The following PPP2R2A variants were observed in gnomAD, a reference collection of about 807,000 sequenced individuals.
PPP2R2A encodes the protein serine/threonine-protein phosphatase 2A 55 kDa regulatory subunit B alpha isoform.
In PPP2R2A, 9 loss-of-function variants were observed where a neutral mutation model predicts 53.2. The ratio of observed to expected loss-of-function variants is 0.17; its 90% CI spans 0.10 to 0.30. The LOEUF (loss-of-function observed/expected upper bound fraction) is 0.30, where lower values mean the gene tolerates loss of function less well. Ranked by LOEUF, PPP2R2A falls within the 10% of genes least tolerant of loss-of-function variation. The pLI is 1.00. For missense variants in PPP2R2A, 235 were observed against 534.6 expected, an observed-to-expected ratio of 0.44 and a Z score of 5.53; for synonymous variants, 169 against 174.2, an observed-to-expected ratio of 0.97 and a Z score of 0.23.
chr8:26,292,570 G>A (rs1378106732), intron 1 of PPP2R2A: 1 of 517,700 alleles, frequency 1.9e-6, no homozygotes, highest in East Asian at 1.5e-4. Flanking sequence ...GATATAAATA[G>A]CAAGGAGGAG....
intron 2 of PPP2R2A, among the ~76,000 whole-genome samples, chr8:26,299,718 CT>C (rs772629459): frequency 0.014 from 2,002 of 142,974 alleles, 27 homozygotes; most frequent in African/African-American, 0.041. Context: ...TTCTGCATCT[CT>C]TTTTTTTTTT....
At chr8:26,344,439 T>A (rs1156690200) in intron 3 of PPP2R2A, among the ~76,000 whole-genome samples, 1 of 152,178 alleles carries the variant, frequency 6.6e-6, no homozygotes, top group Non-Finnish European at 1.5e-5. Flanking sequence ...TTGTTAGAAA[T>A]CACACAGGAA....
chr8:26,348,669 G>C (rs910210005), intron 3 of PPP2R2A, among the ~76,000 whole-genome samples: 1 of 152,152 alleles, frequency 6.6e-6, no homozygotes, highest in African/African-American at 2.4e-5. Context: ...GCACAATGGA[G>C]TTACTTATAT....
intron 2 of PPP2R2A, among the ~76,000 whole-genome samples, chr8:26,309,901 A>G (rs1802195432): frequency 6.6e-6 from 1 of 152,164 alleles, no homozygotes; most frequent in African/African-American, 2.4e-5. Context: ...ACAGATGACC[A>G]TAACAGGTAT....
At chr8:26,339,659 G>A (rs1010398937) in intron 3 of PPP2R2A, among the ~76,000 whole-genome samples, 1 of 151,948 alleles carries the variant, frequency 6.6e-6, no homozygotes, top group African/African-American at 2.4e-5. Flanking sequence ...GTCACACTTG[G>A]TTTTTTCTTA....
chr8:26,343,827 T>C (rs1804073012), intron 3 of PPP2R2A, among the ~76,000 whole-genome samples: 1 of 152,194 alleles, frequency 6.6e-6, no homozygotes, highest in Non-Finnish European at 1.5e-5. Flanking sequence ...TCACAAGAAT[T>C]GCTAATACTA....
intron 2 of PPP2R2A, among the ~76,000 whole-genome samples, chr8:26,307,268 C>A (rs1024933514): frequency 1.3e-5 from 2 of 152,296 alleles, no homozygotes; most frequent in Admixed American, 6.5e-5. Context: ...ATATACAAGT[C>A]TTTAAAAATA....
intron 2 of PPP2R2A, among the ~76,000 whole-genome samples, chr8:26,306,888 C>G (rs1036412895): frequency 6.6e-6 from 1 of 152,206 alleles, no homozygotes; most frequent in Non-Finnish European, 1.5e-5. Context: ...GTATGCTTCT[C>G]TCTTCTTTCT....
At chr8:26,301,886 A>G (rs972283628) in intron 2 of PPP2R2A, among the ~76,000 whole-genome samples, 1 of 152,238 alleles carries the variant, frequency 6.6e-6, no homozygotes, top group Non-Finnish European at 1.5e-5. Flanking sequence ...AGCACAAAAG[A>G]GTACCTGTAG....
chr8:26,339,045 G>T, intron 3 of PPP2R2A, 58 bp downstream of exon 3: 1 of 1,269,766 alleles, frequency 7.9e-7, no homozygotes, highest in Non-Finnish European at 1.1e-6. Flanking sequence ...TAGAGCTTGT[G>T]TTGCACTGGA....
At chr8:26,345,611 T>C (rs12550447) in intron 3 of PPP2R2A, among the ~76,000 whole-genome samples, 1 of 152,208 alleles carries the variant, frequency 6.6e-6, no homozygotes, top group Non-Finnish European at 1.5e-5. Flanking sequence ...GACATAATTA[T>C]GTTTATTTGA....
chr8:26,340,079 A>C (rs1000380170), intron 3 of PPP2R2A: 2 of 152,042 alleles, frequency 1.3e-5, no homozygotes, highest in African/African-American at 4.8e-5. Flanking sequence ...GAAAATATGA[A>C]AATAAGACTC....
chr8:26,300,711 G>C (rs563097356), intron 2 of PPP2R2A, among the ~76,000 whole-genome samples: 7 of 152,154 alleles, frequency 4.6e-5, no homozygotes, highest in Admixed American at 3.9e-4. Context: ...AAAATTAGCC[G>C]GGTGTGGTGG....
chr8:26,355,305 T>C (rs1013790416), intron 4 of PPP2R2A, among the ~76,000 whole-genome samples: 1 of 152,188 alleles, frequency 6.6e-6, no homozygotes, highest in Non-Finnish European at 1.5e-5. Flanking sequence ...TCGCCCAGGC[T>C]GAAGTGCATT....
intron 9 of PPP2R2A, among the ~76,000 whole-genome samples, chr8:26,369,146 A>G (rs889369891): frequency 1.3e-5 from 2 of 151,726 alleles, no homozygotes; most frequent in Non-Finnish European, 2.9e-5. Context: ...CACACACATT[A>G]TGTACCACTT....
At chr8:26,357,506 G>A (rs1177033172) in intron 4 of PPP2R2A, among the ~76,000 whole-genome samples, 1 of 152,032 alleles carries the variant, frequency 6.6e-6, no homozygotes, top group Non-Finnish European at 1.5e-5. Context: ...GTTCCTTCAA[G>A]CATTTTAATT....
chr8:26,336,549 G>T (rs191260434), intron 2 of PPP2R2A, among the ~76,000 whole-genome samples: 128 of 152,184 alleles, frequency 8.4e-4, no homozygotes, highest in African/African-American at 3.0e-3. Context: ...TACGTGTTCA[G>T]TTCACTTAAG....
rs546383087 is a variant in PPP2R2A at position 26,314,318 on chromosome 8, G to A, written c.82+20578G>A. ...CTTAAGCTCTATCCCTCCAACCCGC[G>A]TGCTTCAATCTGGGCAGTTTCTAAG... is the stretch of plus-strand genomic sequence containing the variant. On this transcript the variant is annotated intron_variant, in intron 2 of 9. Transcript: ENST00000380737. Among the ~76,000 whole-genome samples the A allele has an allele frequency of 2.0e-5, 3 of 152,236 alleles. No homozygotes were observed. The East Asian group carries it at 5.8e-4, about 29-fold the overall frequency.
chr8:26,355,096 A>G (rs1804703844), intron 4 of PPP2R2A, among the ~76,000 whole-genome samples: 1 of 152,246 alleles, frequency 6.6e-6, no homozygotes, highest in Admixed American at 6.5e-5. Context: ...TAAACTACAC[A>G]GAGTATCTCA....
Sources: gnomAD v4.1 joint callset for allele counts (sites outside exome capture counted in the v4.1 genomes callset) on GRCh38, gnomAD v4.1.1 for gene constraint, MANE v1.5 for transcripts, NCBI Gene and HGNC (gene_info 2026-07-23, HGNC 2026-07-21) for gene names.